FCER1A: variants seen among roughly 807,000 people sequenced by gnomAD.
FCER1A encodes the protein high affinity immunoglobulin epsilon receptor subunit alpha.
Under a neutral mutation model 23.6 loss-of-function variants are expected in FCER1A, and 24 were observed. That is an observed-to-expected ratio of 1.02 (90% CI 0.74 to 1.43). The LOEUF (loss-of-function observed/expected upper bound fraction) is 1.43, where lower values mean the gene tolerates loss of function less well. Among genes scored for constraint, FCER1A ranks in the 40% most tolerant of loss-of-function variants. The pLI is 0.00. For synonymous variants in FCER1A, 121 were observed against 108.8 expected (o/e 1.11, Z -0.70); for missense variants, 318 against 294.5 (o/e 1.08, Z -0.58).
chr1:159,288,155 A>G (rs1162823553), upstream of FCER1A, among the ~76,000 whole-genome samples: 1 of 152,250 alleles, frequency 6.6e-6, no homozygotes, highest in Non-Finnish European at 1.5e-5. Context: ...AGTGAAAGCC[A>G]TATAGAAATG....
chr1:159,293,106 A>T (rs1571075935), intron 1 of FCER1A, among the ~76,000 whole-genome samples: 1 of 152,002 alleles, frequency 6.6e-6, no homozygotes, highest in Non-Finnish European at 1.5e-5. Flanking sequence ...CAGAAAATAG[A>T]CTAAGACATA....
At chr1:159,286,103 C>T (rs1432856006), upstream of FCER1A, among the ~76,000 whole-genome samples, 1 of 151,482 alleles carries the variant, frequency 6.6e-6, no homozygotes, top group Non-Finnish European at 1.5e-5. Flanking sequence ...GGCAGGAGAA[C>T]TGCTTGAACC....
At chr1:159,303,840 A>G in intron 2 of FCER1A, 88 bp from the exon 3 acceptor site, 1 of 993,464 alleles carries the variant, frequency 1.0e-6, no homozygotes, top group Non-Finnish European at 1.5e-6. Flanking sequence ...TTGTCAGAAT[A>G]TTGCTTCGTT....
chr1:159,292,039 C>T (rs1011246324), intron 1 of FCER1A, among the ~76,000 whole-genome samples: 1 of 152,040 alleles, frequency 6.6e-6, no homozygotes, highest in Admixed American at 6.6e-5. Context: ...TTTCTCTAGC[C>T]TCTGTTCTGG....
chr1:159,304,657 C>T (rs1652546543), intron 3 of FCER1A, among the ~76,000 whole-genome samples: 1 of 152,046 alleles, frequency 6.6e-6, no homozygotes, highest in Non-Finnish European at 1.5e-5. Context: ...TTTCTTCTAC[C>T]CCCTTCCCTT....
chr1:159,295,423 G>A (rs544921694), intron 1 of FCER1A, among the ~76,000 whole-genome samples: 2 of 152,094 alleles, frequency 1.3e-5, no homozygotes, highest in African/African-American at 4.8e-5. Flanking sequence ...GTTATGAAAT[G>A]GTCATCTGAA....
upstream of FCER1A, among the ~76,000 whole-genome samples, chr1:159,285,209 T>G (rs1195570499): frequency 1.3e-5 from 2 of 152,310 alleles, no homozygotes; most frequent in East Asian, 1.9e-4. Flanking sequence ...CTTTTCCCAC[T>G]GTATTGGAAA....
intron 1 of FCER1A, 118 bp downstream of exon 1, chr1:159,302,537 C>T: frequency 1.2e-6 from 1 of 813,000 alleles, no homozygotes. Context: ...AACTATTGGG[C>T]ATTTCCCAGG....
At chr1:159,288,361 ATTC>A (rs944967336), upstream of FCER1A, among the ~76,000 whole-genome samples, 20 of 152,068 alleles carry the variant, frequency 1.3e-4, no homozygotes, top group African/African-American at 4.3e-4. Context: ...TCATCGGACT[ATTC>A]TTGGTTCTTT....
At chr1:159,296,746 G>A (rs1652301481) in intron 1 of FCER1A, among the ~76,000 whole-genome samples, 1 of 152,172 alleles carries the variant, frequency 6.6e-6, no homozygotes, top group Non-Finnish European at 1.5e-5. Flanking sequence ...AATGTCTCCT[G>A]TATACTCATC....
intron 1 of FCER1A, among the ~76,000 whole-genome samples, chr1:159,297,033 T>C (rs1433449345): frequency 1.3e-5 from 2 of 152,180 alleles, no homozygotes; most frequent in African/African-American, 2.4e-5. Flanking sequence ...CTCTCATCCT[T>C]GTCTGTTAAC....
At chr1:159,302,519 C>T in intron 1 of FCER1A, 100 bp downstream of exon 1, 1 of 864,538 alleles carries the variant, frequency 1.2e-6, no homozygotes, top group Non-Finnish European at 2.0e-6. Flanking sequence ...TTTTCTAGGA[C>T]ATGTGCAAAC....
intron 4 of FCER1A, among the ~76,000 whole-genome samples, chr1:159,307,280 C>T (rs1004298351): frequency 1.6e-4 from 25 of 152,184 alleles, no homozygotes; most frequent in African/African-American, 6.0e-4. Context: ...AGTTTATAAA[C>T]AGACTAACAG....
At chr1:159,305,185 C>T (rs1012203322) in intron 3 of FCER1A, among the ~76,000 whole-genome samples, 1 of 152,196 alleles carries the variant, frequency 6.6e-6, no homozygotes, top group African/African-American at 2.4e-5. Flanking sequence ...TGTAGAATAG[C>T]TTCTTTATTC....
At chr1:159,304,771 T>A (rs1418785697) in intron 3 of FCER1A, among the ~76,000 whole-genome samples, 5 of 152,232 alleles carry the variant, frequency 3.3e-5, no homozygotes, top group African/African-American at 1.2e-4. Flanking sequence ...GTATATATTA[T>A]GTGGTCAAAC....
At chr1:159,305,475 G>C (rs1652572975) in intron 3 of FCER1A, among the ~76,000 whole-genome samples, 1 of 152,114 alleles carries the variant, frequency 6.6e-6, no homozygotes, top group South Asian at 2.1e-4. Flanking sequence ...ACTTCTTGGA[G>C]CACAGAGCAG....
intron 1 of FCER1A, among the ~76,000 whole-genome samples, chr1:159,290,066 C>G (rs1652107666): frequency 6.6e-6 from 1 of 152,092 alleles, no homozygotes; most frequent in African/African-American, 2.4e-5. Context: ...CATGGGAATA[C>G]CTTTGTAGGT....
upstream of FCER1A, among the ~76,000 whole-genome samples, chr1:159,298,881 G>A (rs540264333): frequency 2.0e-5 from 3 of 152,286 alleles, no homozygotes; most frequent in African/African-American, 7.2e-5. Flanking sequence ...TTGAATCCAA[G>A]GAATTTCTGC....
At chr1:159,284,151 G>T in the FCER1A span, among the ~76,000 whole-genome samples, 1 of 152,124 alleles carries the variant, frequency 6.6e-6, no homozygotes, top group Non-Finnish European at 1.5e-5. Context: ...ATAATATCAG[G>T]GTAATCAAAA....
Sources: allele counts gnomAD v4.1 joint callset (sites outside exome capture counted in the v4.1 genomes callset), GRCh38; gene constraint gnomAD v4.1.1; transcripts MANE v1.5; gene names NCBI Gene and HGNC (gene_info 2026-07-23, HGNC 2026-07-21).